ME1: variants seen among roughly 807,000 people sequenced by gnomAD.
ME1 encodes the protein NADP-dependent malic enzyme.
Under a neutral mutation model 66.4 loss-of-function variants are expected in ME1, and 74 were observed. The observed-to-expected ratio is 1.11, with a 90% CI of 0.92 to 1.35. ME1 has a LOEUF of 1.35. ME1 is among the 40% of genes most tolerant of loss of function. The pLI, the probability that ME1 is intolerant of heterozygous loss-of-function variation, is 0.00. For missense variants in ME1, 750 were observed against 694.1 expected (o/e 1.08, Z -0.90); for synonymous variants, 251 against 235.6 (o/e 1.07, Z -0.60).
chr6:83,392,468 T>A lies in ME1; in HGVS notation c.362+5899A>T, dbSNP rs560709774. The A allele has an allele frequency of 2.2e-3, 1,126 of 512,036 alleles. 2 individuals carry two copies. Among genetic ancestry groups the A allele is most frequent in the Non-Finnish European group, 3.2e-3 (830 of 260,572 alleles). 31.7% of individuals were successfully genotyped at this position (512,036 alleles called of 1,614,324 possible). The stretch of plus-strand genomic sequence containing the variant: ...AGATTTGGTTGTATTGGCTGCCTGG[T>A]CACCAGGGCTGCTTTAAACTCTGGT... On this transcript the variant is annotated intron_variant, in intron 3 of 13. Transcript: ENST00000369705.
chr6:83,395,501 G>C (rs1459392396), intron 3 of ME1, among the ~76,000 whole-genome samples: 1 of 148,386 alleles, frequency 6.7e-6, no homozygotes, highest in Non-Finnish European at 1.5e-5. Flanking sequence ...TTTTGAGACA[G>C]AGTCTCGCTC....
At chr6:83,325,361 C>A (rs931415449) in intron 5 of ME1, among the ~76,000 whole-genome samples, 33 of 152,040 alleles carry the variant, frequency 2.2e-4, no homozygotes, top group African/African-American at 8.0e-4. Context: ...GAAGGTCTGG[C>A]CAGGGCAATC....
Position 83,227,321 on chromosome 6 carries a change from T to C in ME1, c.1275+14A>G, listed in dbSNP as rs754432464. 78 of 1,501,656 alleles carry C rather than the reference T, an allele frequency of 5.2e-5. No homozygotes were observed. The highest frequency in any genetic ancestry group is 6.6e-5 in the Non-Finnish European group (73 of 1,113,850). The allele number at this position is 1,501,656 out of a possible 1,614,324, so 93.0% of individuals were successfully genotyped here. A position where few individuals can be genotyped will look rare whatever the true frequency, so the allele number is the denominator to read the frequency against. On this transcript the variant is annotated intron_variant, in intron 11 of 13. Coordinates refer to ENST00000369705, the MANE Select transcript of ME1 (RefSeq NM_002395.6). ...AATTTGATTATTAAAATATCTGTTA[T>C]AGTTTTACTTTACCTTGGTTATTTT...
Position 83,333,837 on chromosome 6 carries a change from T to A in ME1, c.600+12336A>T, listed in dbSNP as rs78347034. Among the ~76,000 whole-genome samples, 16 of 152,310 alleles carry A rather than the reference T, an allele frequency of 1.1e-4. No homozygotes were observed. In the East Asian group the frequency reaches 2.7e-3, roughly 26 times the overall value. On this transcript the variant is annotated intron_variant, in intron 5 of 13. Coordinates refer to ENST00000369705, the MANE Select transcript of ME1 (RefSeq NM_002395.6). The stretch of plus-strand genomic sequence containing the variant: ...GCTTAATAAATACAACACACCTTGA[T>A]CAGTTTTTAGAAAAAAAATACTTGC...
chr6:83,344,226 C>G (rs967474641), intron 5 of ME1, among the ~76,000 whole-genome samples: 2 of 142,588 alleles, frequency 1.4e-5, no homozygotes, highest in African/African-American at 5.2e-5. Flanking sequence ...TTTAAGGCTG[C>G]AATAAGCTAT....
At chr6:83,407,649 C>T in intron 2 of ME1, 119 bp downstream of exon 2, 1 of 970,786 alleles carries the variant, frequency 1.0e-6, no homozygotes, top group Non-Finnish European at 1.5e-6. Flanking sequence ...CAGGAAAATT[C>T]TTCTCAAAGT....
intron 1 of ME1, among the ~76,000 whole-genome samples, chr6:83,418,973 C>A (rs1045108813): frequency 6.6e-6 from 1 of 152,118 alleles, no homozygotes; most frequent in Non-Finnish European, 1.5e-5. Context: ...ATGTATATAA[C>A]CCCTAATGCA....
At chr6:83,424,174 T>G (rs1277810786) in intron 1 of ME1, among the ~76,000 whole-genome samples, 1 of 151,578 alleles carries the variant, frequency 6.6e-6, no homozygotes, top group African/African-American at 2.4e-5. Context: ...TATAGAGATA[T>G]AAGAGGATAT....
intron 12 of ME1, among the ~76,000 whole-genome samples, chr6:83,217,570 A>G (rs1406084390): frequency 1.3e-5 from 2 of 152,224 alleles, no homozygotes; most frequent in Non-Finnish European, 2.9e-5. Context: ...GAAGAAAAAG[A>G]GAACGCTGAA....
At chr6:83,219,572 A>C (rs1354427410) in intron 12 of ME1, among the ~76,000 whole-genome samples, 2 of 152,078 alleles carry the variant, frequency 1.3e-5, no homozygotes, top group African/African-American at 4.8e-5. Context: ...GTATTCAATT[A>C]AACTTAGCTA....
chr6:83,325,731 GA>G lies in ME1; in HGVS notation c.601-10319del, dbSNP rs1768276078. On this transcript the variant is annotated intron_variant, in intron 5 of 13. Transcript: ENST00000369705. ...AAATAAGAGAGGACACAAACAAATG[GA>G]AAAACCTTCCATGCTCATGGATAGG... 1.3e-5 allele frequency among the ~76,000 whole-genome samples: 2 copies of G among 151,594 alleles called. 1 individual carries two copies.
intron 3 of ME1, among the ~76,000 whole-genome samples, chr6:83,370,927 C>CA (rs1227271580): frequency 6.6e-6 from 1 of 151,874 alleles, no homozygotes; most frequent in Non-Finnish European, 1.5e-5. Context: ...GCATAAAGCA[C>CA]AAAAAACATT....
intron 2 of ME1, among the ~76,000 whole-genome samples, chr6:83,399,849 G>C (rs1457371216): frequency 6.6e-6 from 1 of 152,192 alleles, no homozygotes; most frequent in Non-Finnish European, 1.5e-5. Context: ...GGATTCCAAT[G>C]TTTGGGCAAT....
At chr6:83,394,579 C>G (rs1769693189) in intron 3 of ME1, among the ~76,000 whole-genome samples, 1 of 152,158 alleles carries the variant, frequency 6.6e-6, no homozygotes, top group South Asian at 2.1e-4. Context: ...AATATTACCA[C>G]TATATCAATA....
intron 1 of ME1, among the ~76,000 whole-genome samples, chr6:83,423,128 C>T (rs73478731): frequency 0.044 from 6,568 of 150,176 alleles, 475 homozygotes; most frequent in African/African-American, 0.15. Flanking sequence ...GTATTACAAA[C>T]ATATATCAAC....
chr6:83,288,571 T>C (rs1282693411), intron 6 of ME1, among the ~76,000 whole-genome samples: 1 of 152,164 alleles, frequency 6.6e-6, no homozygotes, highest in East Asian at 1.9e-4. Context: ...TGTAGTAAAG[T>C]TTGAAGTCAG....
intron 5 of ME1, among the ~76,000 whole-genome samples, chr6:83,328,463 A>T (rs1377635536): frequency 6.6e-6 from 1 of 152,156 alleles, no homozygotes. Context: ...TAAAGTATAT[A>T]AAAAAATTCT....
chr6:83,360,237 A>C (rs1289317727), intron 3 of ME1, among the ~76,000 whole-genome samples: 1 of 152,148 alleles, frequency 6.6e-6, no homozygotes, highest in African/African-American at 2.4e-5. Context: ...TATGCAGTGA[A>C]TCTTTCTCCC....
intron 1 of ME1, among the ~76,000 whole-genome samples, chr6:83,410,328 A>G (rs1226089669): frequency 6.6e-6 from 1 of 152,146 alleles, no homozygotes; most frequent in Non-Finnish European, 1.5e-5. Context: ...AATTTATAAA[A>G]TCTATTAAAT....
Sources: allele counts gnomAD v4.1 joint callset (sites outside exome capture counted in the v4.1 genomes callset), GRCh38; gene constraint gnomAD v4.1.1; transcripts MANE v1.5; gene names NCBI Gene and HGNC (gene_info 2026-07-23, HGNC 2026-07-21).